PEMT: variants seen among roughly 807,000 people sequenced by gnomAD.
PEMT encodes phospholipid methyltransferase.
PEMT carries 23 observed loss-of-function variants against 27.4 expected under a neutral mutation model. The observed-to-expected ratio is 0.84, with a 90% CI of 0.60 to 1.19. The LOEUF is 1.19. Among genes scored for constraint, PEMT ranks in the 50% most tolerant of loss-of-function variants. The pLI, the probability that PEMT is intolerant of heterozygous loss-of-function variation, is 0.00. For synonymous variants in PEMT, 137 were observed against 139.1 expected (o/e 0.98, Z 0.11); for missense variants, 307 against 310.1 (o/e 0.99, Z 0.07).
intron 4 of PEMT, among the ~76,000 whole-genome samples, chr17:17,511,081 T>C (rs1007363744): frequency 9.2e-5 from 14 of 152,160 alleles, no homozygotes; most frequent in Non-Finnish European, 1.9e-4. Context: ...CCTCAGCCCC[T>C]TGGATGGCCT....
Position 17,570,887 on chromosome 17 carries a change from C to T in PEMT, c.204+6033G>A, listed in dbSNP as rs560925214. 5 of 985,386 alleles carry T rather than the reference C, an allele frequency of 5.1e-6. No individual in the cohort carries two copies. The East Asian group carries it at 4.5e-4, about 89-fold the overall frequency. The allele number at this position is 985,386 out of a possible 1,614,324, so 61.0% of individuals were successfully genotyped here. On this transcript the variant is annotated intron_variant, in intron 2 of 6. Transcript: ENST00000255389. ...CGGGGGCAGGTGAGAAGAGGGAGTC[C>T]ATCCTGGTCCTTGGACCACTGCCCT...
chr17:17,520,883 C>CATGACA (rs1243449115), intron 3 of PEMT, among the ~76,000 whole-genome samples: 1 of 152,276 alleles, frequency 6.6e-6, no homozygotes, highest in African/African-American at 2.4e-5. Context: ...TGGCCAAGGC[C>CATGACA]ATGACAATGA....
intron 2 of PEMT, among the ~76,000 whole-genome samples, chr17:17,530,046 C>A (rs1370597072): frequency 1.3e-5 from 2 of 152,204 alleles, no homozygotes; most frequent in African/African-American, 4.8e-5. Context: ...GGGGAAGATA[C>A]ACACACAGAC....
chr17:17,558,006 G>A (rs889559643), intron 2 of PEMT, among the ~76,000 whole-genome samples: 2 of 152,202 alleles, frequency 1.3e-5, no homozygotes, highest in African/African-American at 4.8e-5. Flanking sequence ...GTAGCTTCCT[G>A]CTGCAGGACA....
upstream of PEMT, chr17:17,591,876 C>T (rs1567765645): frequency 1.0e-6 from 1 of 985,390 alleles, no homozygotes; most frequent in African/African-American, 1.7e-5. Context: ...CCTGCCGGTT[C>T]CGCTGCAGCT....
chr17:17,550,444 C>T (rs1370676377), intron 2 of PEMT, among the ~76,000 whole-genome samples: 1 of 152,132 alleles, frequency 6.6e-6, no homozygotes, highest in African/African-American at 2.4e-5. Flanking sequence ...TGTGCACAAG[C>T]CACACCTGAA....
At position 17,576,847 on chromosome 17, in the gene PEMT, G is replaced by A. The variant is rs955908234; in HGVS notation, c.204+73C>T. On this transcript the variant is annotated intron_variant, in intron 2 of 6. Coordinates refer to ENST00000255389, the MANE Select transcript of PEMT (RefSeq NM_148172.3). ...GTCTGGCCAGCCAGCAGCAACCACC[G>A]CGATCCCCTGCATGTGGGGCTCACC... is the stretch of plus-strand genomic sequence containing the variant. 3.3e-5 allele frequency: 41 copies of A among 1,240,572 alleles called. No individual in the cohort carries two copies. In the African/African-American group the frequency reaches 4.1e-4, roughly 13 times the overall value. The allele number at this position is 1,240,572 out of a possible 1,614,324, so 76.8% of individuals were successfully genotyped here. A position where few individuals can be genotyped will look rare whatever the true frequency, so the allele number is the denominator to read the frequency against.
intron 1 of PEMT, among the ~76,000 whole-genome samples, chr17:17,585,274 G>T (rs1484932121): frequency 6.6e-6 from 1 of 152,182 alleles, no homozygotes; most frequent in Non-Finnish European, 1.5e-5. Context: ...GGAGGCGGAG[G>T]TTGCAGTGAG....
At chr17:17,530,527 A>G (rs1027556310) in intron 2 of PEMT, among the ~76,000 whole-genome samples, 3 of 152,132 alleles carry the variant, frequency 2.0e-5, no homozygotes, top group Admixed American at 1.3e-4. Context: ...GAACTACTAG[A>G]AATCCAAAAA....
intron 2 of PEMT, among the ~76,000 whole-genome samples, chr17:17,574,244 C>CAAAA (rs1158184847): frequency 2.2e-5 from 1 of 45,236 alleles, no homozygotes; most frequent in Non-Finnish European, 5.3e-5. Flanking sequence ...AGCTTATGAC[C>CAAAA]AAAAAAAAAA....
At chr17:17,589,138 T>C (rs2142768912) in intron 1 of PEMT, among the ~76,000 whole-genome samples, 1 of 152,318 alleles carries the variant, frequency 6.6e-6, no homozygotes, top group Admixed American at 6.5e-5. Flanking sequence ...CTTTTTATAT[T>C]TTTAGTAGAG....
chr17:17,577,961 G>A (rs886426163), intron 1 of PEMT, among the ~76,000 whole-genome samples: 1 of 148,532 alleles, frequency 6.7e-6, no homozygotes, highest in Non-Finnish European at 1.5e-5. Context: ...AGCTTGCAGT[G>A]AGCAGAGATC....
intron 2 of PEMT, among the ~76,000 whole-genome samples, chr17:17,533,734 CT>C (rs35298651): frequency 0.6 from 87,023 of 145,592 alleles, 25,994 homozygotes; most frequent in African/African-American, 0.68. Flanking sequence ...CAGTGTCTCT[CT>C]TTTTTTTTTT....
rs1040787628 is a variant in PEMT, at chr17:17,582,232, C to T, written c.97-5205G>A. On this transcript the variant is annotated intron_variant, in intron 1 of 6. Transcript: ENST00000255389. The surrounding 1 kb of genome is among the most constrained non-coding windows in gnomAD (Gnocchi z 4.9). ...ACTCCAAGGCTCCAGGTTGCAGAGG[C>T]CTCGGAATCTGACTAAAGGAAAGGA... The T allele has an allele frequency of 2.3e-5, 23 of 983,558 alleles. 1 individual carries two copies. In the East Asian group the frequency reaches 2.3e-3, roughly 97 times the overall value. 60.9% of individuals were successfully genotyped at this position (983,558 alleles called of 1,614,324 possible).
chr17:17,579,937 C>T (rs1221321474), intron 1 of PEMT, among the ~76,000 whole-genome samples: 1 of 152,224 alleles, frequency 6.6e-6, no homozygotes, highest in African/African-American at 2.4e-5. Context: ...GCCTGCCCAG[C>T]GCCTGCAGCC....
Position 17,591,686 on chromosome 17 carries a change from C to A in PEMT, c.-60G>T, listed in dbSNP as rs1912600311. On this transcript the variant is annotated 5_prime_UTR_variant, in exon 1 of 7. Coordinates refer to ENST00000255389, the MANE Select transcript of PEMT (RefSeq NM_148172.3). ...CGCTGCAGCCACGCGCCCCCGGAAC[C>A]GGACCTATAGAGCCGGGTAAGTGCC... The A allele has an allele frequency of 1.3e-6, 2 of 1,565,802 alleles. No homozygotes were observed. Among genetic ancestry groups the A allele is most frequent in the Admixed American group, 3.8e-5 (2 of 53,124 alleles).
At chr17:17,528,132 T>C (rs1292483059) in intron 2 of PEMT, among the ~76,000 whole-genome samples, 1 of 152,228 alleles carries the variant, frequency 6.6e-6, no homozygotes, top group Non-Finnish European at 1.5e-5. Context: ...AGCCCATCCC[T>C]TTTGTTTAGA....
chr17:17,529,530 C>A (rs577236555), intron 2 of PEMT, among the ~76,000 whole-genome samples: 1 of 152,300 alleles, frequency 6.6e-6, no homozygotes, highest in East Asian at 1.9e-4. Flanking sequence ...CCCAAGCTCT[C>A]GCCCTGCAGT....
intron 2 of PEMT, among the ~76,000 whole-genome samples, chr17:17,566,514 G>A (rs532727089): frequency 1.3e-5 from 2 of 152,314 alleles, no homozygotes; most frequent in East Asian, 1.9e-4. Context: ...CTCAGTTCCC[G>A]GGGCTAGGGC....
Sources: allele counts gnomAD v4.1 joint callset (sites outside exome capture counted in the v4.1 genomes callset), GRCh38; gene constraint gnomAD v4.1.1; non-coding constraint Gnocchi (gnomAD v3.1); transcripts MANE v1.5; gene names NCBI Gene and HGNC (gene_info 2026-07-23, HGNC 2026-07-21).